The following ERG variants were observed in gnomAD, a reference collection of about 807,000 sequenced individuals.
The protein encoded by ERG is transcriptional regulator ERG.
In ERG, 9 loss-of-function variants were observed where a neutral mutation model predicts 55.3. That is an observed-to-expected ratio of 0.16 (90% CI 0.10 to 0.28). ERG has a LOEUF of 0.28. Ranked by LOEUF, ERG falls within the 10% of genes least tolerant of loss-of-function variation. ERG has a pLI of 1.00. For synonymous variants in ERG, 223 were observed against 237.3 expected (o/e 0.94, Z 0.55); for missense variants, 434 against 631.6 (o/e 0.69, Z 3.35).
chr21:38,554,227 G>A (rs918281535), intron 2 of ERG, among the ~76,000 whole-genome samples: 13 of 152,168 alleles, frequency 8.5e-5, no homozygotes, highest in Admixed American at 1.3e-4. Context: ...TATATGCTGC[G>A]TGTGTGAATG....
At chr21:38,656,262 G>A (rs1031124559) in intron 1 of ERG, among the ~76,000 whole-genome samples, 1 of 152,122 alleles carries the variant, frequency 6.6e-6, no homozygotes, top group African/African-American at 2.4e-5. Flanking sequence ...TTGGGCCATC[G>A]AGACATCAAG....
intron 6 of ERG, among the ~76,000 whole-genome samples, chr21:38,394,974 T>C (rs1988138813): frequency 6.6e-6 from 1 of 152,210 alleles, no homozygotes; most frequent in South Asian, 2.1e-4. Context: ...CCAAAATATT[T>C]TGAAACTCTT....
intron 1 of ERG, among the ~76,000 whole-genome samples, chr21:38,646,741 A>G (rs2060459250): frequency 6.6e-6 from 1 of 152,142 alleles, no homozygotes; most frequent in African/African-American, 2.4e-5. Flanking sequence ...ACAATGGCCC[A>G]GGTGTTTTTC....
At chr21:38,642,061 AC>A (rs2060428339) in intron 1 of ERG, among the ~76,000 whole-genome samples, 1 of 152,282 alleles carries the variant, frequency 6.6e-6, no homozygotes, top group South Asian at 2.1e-4. Context: ...ATTTATAATG[AC>A]AGAGACATAC....
At chr21:38,644,311 C>T (rs1439150670) in intron 1 of ERG, among the ~76,000 whole-genome samples, 1 of 146,072 alleles carries the variant, frequency 6.8e-6, no homozygotes, top group Non-Finnish European at 1.5e-5. Flanking sequence ...TATATTATAA[C>T]ATACTATAAC....
rs71330332 is a variant in ERG at position 38,518,236 on chromosome 21, GTATCTATCTATCTATCTATC to G, written c.-41+57406_-41+57425del. On this transcript the variant is annotated intron_variant, in intron 2 of 8. Transcript: ENST00000398897. ...GTACCCCATAACTATGTGTGTGTGT[GTATCTATCTATCTATCTATC>G]TATCTATCTATCTATCTATCTATCT... Among the ~76,000 whole-genome samples the G allele has an allele frequency of 1.5e-3, 212 of 145,474 alleles. 2 individuals carry two copies. The highest frequency in any genetic ancestry group is 4.8e-3 in the Admixed American group (69 of 14,412).
chr21:38,445,138 CTTTTTTTTTTTTT>C (rs77891753), intron 2 of ERG, among the ~76,000 whole-genome samples: 1 of 136,664 alleles, frequency 7.3e-6, no homozygotes, highest in African/African-American at 2.7e-5. Flanking sequence ...CTTTCTTCTT[CTTTTTTTTTTTTT>C]TTTTTTGTTA....
At chr21:38,648,218 T>C (rs1373437134) in intron 1 of ERG, among the ~76,000 whole-genome samples, 1 of 152,226 alleles carries the variant, frequency 6.6e-6, no homozygotes, top group African/African-American at 2.4e-5. Context: ...ATTCTGATCC[T>C]CATTTCCATT....
At chr21:38,525,767 A>C (rs1452266062) in intron 2 of ERG, among the ~76,000 whole-genome samples, 4 of 152,230 alleles carry the variant, frequency 2.6e-5, no homozygotes, top group Non-Finnish European at 5.9e-5. Context: ...AAAGAGGAAG[A>C]AAGCAAGCCC....
At chr21:38,525,783 G>A (rs1305661209) in intron 2 of ERG, among the ~76,000 whole-genome samples, 2 of 152,192 alleles carry the variant, frequency 1.3e-5, no homozygotes, top group African/African-American at 2.4e-5. Context: ...AGCCCAAGTC[G>A]CAAAGTCTTT....
intron 3 of ERG, among the ~76,000 whole-genome samples, chr21:38,412,045 G>A (rs575907539): frequency 1.4e-3 from 220 of 152,032 alleles, no homozygotes; most frequent in African/African-American, 4.4e-3. Context: ...TTTCACTAGC[G>A]TATCTTATTC....
intron 2 of ERG, among the ~76,000 whole-genome samples, chr21:38,516,457 A>G (rs936444277): frequency 3.3e-5 from 5 of 152,060 alleles, no homozygotes; most frequent in Admixed American, 3.3e-4. Context: ...AATGAAAGAA[A>G]TGGAAAAGGA....
intron 2 of ERG, among the ~76,000 whole-genome samples, chr21:38,541,068 T>G (rs1402073772): frequency 1.3e-5 from 2 of 152,132 alleles, no homozygotes; most frequent in Non-Finnish European, 2.9e-5. Flanking sequence ...TGACCACAAC[T>G]TGGAGTGGAA....
chr21:38,473,850 A>G (rs2059162556), intron 1 of ERG, among the ~76,000 whole-genome samples: 1 of 151,956 alleles, frequency 6.6e-6, no homozygotes, highest in Admixed American at 6.6e-5. Flanking sequence ...GTATGTGTAC[A>G]TGTTTGCGTA....
intron 1 of ERG, among the ~76,000 whole-genome samples, chr21:38,640,599 CT>C (rs1436891499): frequency 6.6e-6 from 1 of 152,188 alleles, no homozygotes; most frequent in Non-Finnish European, 1.5e-5. Context: ...TCACTTGGCT[CT>C]GATCTGTCTT....
intron 6 of ERG, among the ~76,000 whole-genome samples, chr21:38,394,077 T>A (rs1988093121): frequency 6.6e-6 from 1 of 152,130 alleles, no homozygotes; most frequent in Non-Finnish European, 1.5e-5. Flanking sequence ...ACAGCCAGAG[T>A]TTCAATTTGC....
At chr21:38,411,279 G>A (rs1027112583) in intron 3 of ERG, among the ~76,000 whole-genome samples, 7 of 151,504 alleles carry the variant, frequency 4.6e-5, no homozygotes, top group Middle Eastern at 3.2e-3. Flanking sequence ...TTTATTGCAC[G>A]TTGGCCAGTG....
At chr21:38,489,448 T>C (rs1421899607) in intron 1 of ERG, among the ~76,000 whole-genome samples, 1 of 152,220 alleles carries the variant, frequency 6.6e-6, no homozygotes, top group African/African-American at 2.4e-5. Context: ...AAGACCGGCT[T>C]AACCGAGTTC....
intron 6 of ERG, among the ~76,000 whole-genome samples, chr21:38,397,607 A>AG (rs1411786739): frequency 6.6e-6 from 1 of 150,710 alleles, no homozygotes; most frequent in Non-Finnish European, 1.5e-5. Flanking sequence ...AAAAAAAAAA[A>AG]AAAAAAAAAA....
Sources: gnomAD v4.1 joint callset for allele counts (sites outside exome capture counted in the v4.1 genomes callset) on GRCh38, gnomAD v4.1.1 for gene constraint, MANE v1.5 for transcripts, NCBI Gene and HGNC (gene_info 2026-07-23, HGNC 2026-07-21) for gene names.